The following SPRR2G variants were observed in gnomAD, a reference collection of about 807,000 sequenced individuals.
SPRR2G encodes the protein small proline-rich protein 2G.
In SPRR2G, 1 loss-of-function variant was observed where a neutral mutation model predicts 0.7. The ratio of observed to expected loss-of-function variants is 1.49; its 90% CI spans 0.53 to 7.06. The LOEUF is 7.06. Among genes scored for constraint, SPRR2G ranks in the 30% most tolerant of loss-of-function variants. SPRR2G has a pLI of 0.14. For missense variants in SPRR2G, 96 were observed against 88.5 expected, an observed-to-expected ratio of 1.09 and a Z score of -0.34; for synonymous variants, 38 against 33.9, an observed-to-expected ratio of 1.12 and a Z score of -0.42.
At chr1:153,173,960 T>C in the SPRR2G span, among the ~76,000 whole-genome samples, 1 of 152,228 alleles carries the variant, frequency 6.6e-6, no homozygotes, top group Non-Finnish European at 1.5e-5. Context: ...TTCAGAGGCA[T>C]TCACATTTTT....
the SPRR2G span, among the ~76,000 whole-genome samples, chr1:153,161,150 G>A: frequency 6.6e-6 from 1 of 151,492 alleles, no homozygotes; most frequent in African/African-American, 2.4e-5. Flanking sequence ...AGAGTTAATG[G>A]GTGCCGCACA....
chr1:153,166,929 GA>G, the SPRR2G span, among the ~76,000 whole-genome samples: 839 of 151,076 alleles, frequency 5.6e-3, 12 homozygotes, highest in Middle Eastern at 0.027. Context: ...AAGTGTTTAG[GA>G]AAAAAAAATC....
chr1:153,197,328 G>T, the SPRR2G span, among the ~76,000 whole-genome samples: 1 of 151,916 alleles, frequency 6.6e-6, no homozygotes, highest in Non-Finnish European at 1.5e-5. Context: ...ACAAGATCTG[G>T]GATTTTCAGC....
At chr1:153,187,704 A>C in the SPRR2G span, among the ~76,000 whole-genome samples, 1 of 152,110 alleles carries the variant, frequency 6.6e-6, no homozygotes, top group East Asian at 1.9e-4. Context: ...TACTTCTGTC[A>C]ATTCATCAAA....
At chr1:153,180,818 T>C in the SPRR2G span, among the ~76,000 whole-genome samples, 1 of 152,250 alleles carries the variant, frequency 6.6e-6, no homozygotes, top group African/African-American at 2.4e-5. Flanking sequence ...TCGGTGGCTA[T>C]GTGGAGATAA....
chr1:153,187,846 C>T, the SPRR2G span, among the ~76,000 whole-genome samples: 1 of 152,160 alleles, frequency 6.6e-6, no homozygotes, highest in Non-Finnish European at 1.5e-5. Flanking sequence ...GATTTATCCG[C>T]CTTTGAGCTT....
At chr1:153,182,977 T>C in the SPRR2G span, among the ~76,000 whole-genome samples, 1 of 152,044 alleles carries the variant, frequency 6.6e-6, no homozygotes, top group African/African-American at 2.4e-5. Context: ...TCCACAATGG[T>C]TAAGCTAATT....
At chr1:153,202,681 T>G in the SPRR2G span, among the ~76,000 whole-genome samples, 1 of 152,196 alleles carries the variant, frequency 6.6e-6, no homozygotes, top group African/African-American at 2.4e-5. Flanking sequence ...GACTTTTACT[T>G]CACCACCCCA....
the SPRR2G span, among the ~76,000 whole-genome samples, chr1:153,178,597 T>G: frequency 2.0e-5 from 3 of 152,168 alleles, no homozygotes; most frequent in African/African-American, 7.2e-5. Context: ...TCAGTTAATT[T>G]GGTGAATTAC....
chr1:153,199,142 C>T, the SPRR2G span, among the ~76,000 whole-genome samples: 1 of 152,176 alleles, frequency 6.6e-6, no homozygotes, highest in Non-Finnish European at 1.5e-5. Flanking sequence ...TCAAGAAAAA[C>T]TTACGCAATG....
At chr1:153,167,415 G>A in the SPRR2G span, among the ~76,000 whole-genome samples, 2 of 152,070 alleles carry the variant, frequency 1.3e-5, no homozygotes, top group Non-Finnish European at 2.9e-5. Context: ...CAGAGGCTGT[G>A]GTGAGCCAAG....
At chr1:153,183,236 C>T in the SPRR2G span, among the ~76,000 whole-genome samples, 499 of 140,202 alleles carry the variant, frequency 3.6e-3, 4 homozygotes, top group African/African-American at 0.012. Flanking sequence ...TACAGGCATG[C>T]GCCACCACAC....
chr1:153,179,932 A>G, the SPRR2G span, among the ~76,000 whole-genome samples: 1 of 152,164 alleles, frequency 6.6e-6, no homozygotes, highest in Admixed American at 6.5e-5. Context: ...ATATCTTGCC[A>G]TTGTATCTAG....
At chr1:153,191,113 G>T in the SPRR2G span, 1 of 152,270 alleles carries the variant, frequency 6.6e-6, no homozygotes, top group Non-Finnish European at 1.5e-5. Context: ...CCCTCTGGTT[G>T]CCCAGTCTCA....
chr1:153,183,927 T>C, the SPRR2G span, among the ~76,000 whole-genome samples: 3 of 152,220 alleles, frequency 2.0e-5, no homozygotes, highest in African/African-American at 7.2e-5. Context: ...CAGTTTCAGC[T>C]TTCTACATGT....
chr1:153,184,323 A>G, the SPRR2G span, among the ~76,000 whole-genome samples: 1 of 151,036 alleles, frequency 6.6e-6, no homozygotes, highest in African/African-American at 2.4e-5. Context: ...ATGGCCATTG[A>G]TTCTTCCTGT....
the SPRR2G span, among the ~76,000 whole-genome samples, chr1:153,179,105 G>A: frequency 1.3e-5 from 2 of 152,164 alleles, no homozygotes; most frequent in Non-Finnish European, 2.9e-5. Context: ...AAGAGGGTAA[G>A]CTGGAACTCT....
chr1:153,150,458 T>G (rs1393158437), intron 1 of SPRR2G, among the ~76,000 whole-genome samples: 1 of 152,192 alleles, frequency 6.6e-6, no homozygotes, highest in Non-Finnish European at 1.5e-5. Context: ...TCTGTGCTCT[T>G]ATCTTCCATG....
At chr1:153,150,153 G>A (rs1349794813) in intron 1 of SPRR2G, 22 bp from the exon 2 acceptor site, 2 of 1,608,402 alleles carry the variant, frequency 1.2e-6, no homozygotes, top group East Asian at 4.5e-5. Flanking sequence ...ATACGAAACA[G>A]TGCTCATAAG....
Sources: gnomAD v4.1 joint callset for allele counts (sites outside exome capture counted in the v4.1 genomes callset) on GRCh38, gnomAD v4.1.1 for gene constraint, MANE v1.5 for transcripts, NCBI Gene and HGNC (gene_info 2026-07-23, HGNC 2026-07-21) for gene names.